Variants in FAT3 observed in about 807,000 individuals in gnomAD.
The protein encoded by FAT3 is protocadherin Fat 3.
Under a neutral mutation model 310.2 loss-of-function variants are expected in FAT3, and 95 were observed. The observed-to-expected ratio is 0.31, with a 90% CI of 0.26 to 0.36. The LOEUF (loss-of-function observed/expected upper bound fraction) is 0.36, where lower values mean the gene tolerates loss of function less well. FAT3 is among the 10% of genes least tolerant of loss of function. The probability of loss-of-function intolerance (pLI) is 1.00; values close to 1 mark genes in which losing one functional copy is unlikely to be tolerated. For missense variants in FAT3, 5,408 were observed against 5,715.6 expected, an observed-to-expected ratio of 0.95 and a Z score of 1.74; for synonymous variants, 2,314 against 2,192.9, an observed-to-expected ratio of 1.06 and a Z score of -1.54.
At chr11:92,652,214 A>T (rs530737941) in intron 3 of FAT3, among the ~76,000 whole-genome samples, 1 of 70,776 alleles carries the variant, frequency 1.4e-5, no homozygotes, top group East Asian at 4.6e-4. Flanking sequence ...AGGCCTTGGC[A>T]GCCAACACCC....
At chr11:92,351,091 C>A (rs140724488) in intron 1 of FAT3, among the ~76,000 whole-genome samples, 1 of 152,230 alleles carries the variant, frequency 6.6e-6, no homozygotes, top group African/African-American at 2.4e-5. Context: ...ATTTAATAGT[C>A]ATTGATGAAA....
chr11:92,556,134 C>T (rs1410271008), intron 3 of FAT3, among the ~76,000 whole-genome samples: 1 of 152,170 alleles, frequency 6.6e-6, no homozygotes, highest in Non-Finnish European at 1.5e-5. Context: ...ATAGCCAACT[C>T]AGTTTACTGT....
At chr11:92,764,216 G>C (rs1176571913) in intron 5 of FAT3, among the ~76,000 whole-genome samples, 1 of 151,850 alleles carries the variant, frequency 6.6e-6, no homozygotes, top group East Asian at 1.9e-4. Flanking sequence ...TCCCTTCCAC[G>C]CTGCCTCCAG....
intron 3 of FAT3, among the ~76,000 whole-genome samples, chr11:92,587,605 T>C (rs1939220211): frequency 1.3e-5 from 2 of 152,056 alleles, no homozygotes; most frequent in East Asian, 1.9e-4. Context: ...AACCTTGAGT[T>C]TGAGTATTTC....
chr11:92,492,604 G>A (rs552241189), intron 2 of FAT3, among the ~76,000 whole-genome samples: 74 of 152,062 alleles, frequency 4.9e-4, no homozygotes, highest in African/African-American at 1.6e-3. Context: ...AAGATAGGAA[G>A]GTTGATAAAT....
chr11:92,887,226 C>A, intron 25 of FAT3, 113 bp downstream of exon 25: 1 of 863,414 alleles, frequency 1.2e-6, no homozygotes, highest in Non-Finnish European at 1.8e-6. Context: ...TGTTCATGGG[C>A]TTTTGAGCGT....
chr11:92,410,129 G>A (rs1233496277), intron 2 of FAT3, among the ~76,000 whole-genome samples: 2 of 152,110 alleles, frequency 1.3e-5, no homozygotes, highest in East Asian at 3.9e-4. Flanking sequence ...GACTATACCT[G>A]CTATGTGTGT....
intron 9 of FAT3, among the ~76,000 whole-genome samples, chr11:92,795,624 C>T (rs1308035226): frequency 1.3e-5 from 2 of 152,032 alleles, no homozygotes. Context: ...TGAATTTCTA[C>T]TTGAGGCCAG....
chr11:92,573,924 TA>T (rs1260014226), intron 3 of FAT3, among the ~76,000 whole-genome samples: 1 of 152,102 alleles, frequency 6.6e-6, no homozygotes, highest in Admixed American at 6.6e-5. Context: ...TTGGTCAATT[TA>T]AAAAAATGAA....
At chr11:92,813,934 T>G (rs1470961230) in intron 13 of FAT3, among the ~76,000 whole-genome samples, 2 of 152,248 alleles carry the variant, frequency 1.3e-5, no homozygotes, top group Non-Finnish European at 2.9e-5. Context: ...GTGTCCATAT[T>G]AAGAGATGCA....
intron 2 of FAT3, among the ~76,000 whole-genome samples, chr11:92,407,656 A>C (rs1314787181): frequency 6.6e-6 from 1 of 152,140 alleles, no homozygotes; most frequent in Non-Finnish European, 1.5e-5. Flanking sequence ...AAAATTACCC[A>C]AACAAGAGCA....
rs527369318 is a variant in FAT3, at chr11:92,339,034, C to T, written c.-17-13062C>T. Among the ~76,000 whole-genome samples the T allele has an allele frequency of 7.9e-5, 12 of 152,294 alleles. No individual in the cohort carries two copies. In the East Asian group the frequency reaches 2.3e-3, roughly 29 times the overall value. ...AGCAGAAGAGCTCTATGCAGTGCCT[C>T]AGCTATGTAAAAATTCCTTTTGGGA... is the stretch of plus-strand genomic sequence containing the variant. On this transcript the variant is annotated intron_variant, in intron 1 of 27. Transcript: ENST00000525166.
intron 3 of FAT3, among the ~76,000 whole-genome samples, chr11:92,673,364 A>G (rs1464525095): frequency 2.0e-5 from 3 of 152,224 alleles, no homozygotes; most frequent in Non-Finnish European, 4.4e-5. Flanking sequence ...TCATCCAACG[A>G]AACTCTATTG....
intron 1 of FAT3, among the ~76,000 whole-genome samples, chr11:92,294,259 A>G (rs1416697763): frequency 6.6e-6 from 1 of 152,034 alleles, no homozygotes; most frequent in African/African-American, 2.4e-5. Context: ...ATCCTATTCA[A>G]TCAAGGCCCC....
At chr11:92,514,970 C>A (rs1468939058) in intron 2 of FAT3, among the ~76,000 whole-genome samples, 1 of 152,080 alleles carries the variant, frequency 6.6e-6, no homozygotes, top group Non-Finnish European at 1.5e-5. Context: ...GGAACAGAGT[C>A]TGGGTTCTGG....
At chr11:92,533,047 T>G (rs1954133465) in intron 3 of FAT3, among the ~76,000 whole-genome samples, 1 of 152,164 alleles carries the variant, frequency 6.6e-6, no homozygotes. Context: ...CTGTTTGTTT[T>G]TTAAGAGACA....
intron 2 of FAT3, among the ~76,000 whole-genome samples, chr11:92,421,981 G>A (rs889812108): frequency 1.3e-5 from 2 of 152,198 alleles, no homozygotes; most frequent in African/African-American, 4.8e-5. Flanking sequence ...ACAAAGTTGC[G>A]AACGCAGGTC....
rs934977520 is a variant in FAT3 at position 92,413,353 on chromosome 11, G to A, written c.3292+57949G>A. Among the ~76,000 whole-genome samples, 13 of 152,148 alleles carry A rather than the reference G, an allele frequency of 8.5e-5. No individual in the cohort carries two copies. In the East Asian group the frequency reaches 1.7e-3, roughly 20 times the overall value. On this transcript the variant is annotated intron_variant, in intron 2 of 27. Coordinates refer to ENST00000525166, the MANE Select transcript of FAT3 (RefSeq NM_001367949.2). ...GATAAGGTGTTATATATAAAAGAACGTAGTAGGTGTTTAGCAAATGGTGGT... is the reference window on the plus strand; with the variant it reads ...GATAAGGTGTTATATATAAAAGAACATAGTAGGTGTTTAGCAAATGGTGGT...
chr11:92,291,315 CCTT>C (rs1174481557), intron 1 of FAT3, among the ~76,000 whole-genome samples: 3 of 152,094 alleles, frequency 2.0e-5, no homozygotes, highest in African/African-American at 4.8e-5. Context: ...ATCTTTCTCT[CCTT>C]CTTCCTTCGG....
Sources: allele counts gnomAD v4.1 joint callset (sites outside exome capture counted in the v4.1 genomes callset), GRCh38; gene constraint gnomAD v4.1.1; transcripts MANE v1.5; gene names NCBI Gene and HGNC (gene_info 2026-07-23, HGNC 2026-07-21).